The following HDX variants were observed in gnomAD, a reference collection of about 807,000 sequenced individuals.
HDX encodes chromosome X open reading frame 43.
In HDX, 19 loss-of-function variants were observed where a neutral mutation model predicts 45.2. The observed-to-expected ratio is 0.42, with a 90% CI of 0.29 to 0.62. The LOEUF (loss-of-function observed/expected upper bound fraction) is 0.62. HDX is among the 20% of genes least tolerant of loss of function. HDX has a pLI of 0.20. For synonymous variants in HDX, 188 were observed against 172.8 expected, an observed-to-expected ratio of 1.09 and a Z score of -0.69; for missense variants, 532 against 493.9, an observed-to-expected ratio of 1.08 and a Z score of -0.73.
chrX:84,406,364 A>T (rs977434722), intron 5 of HDX, among the ~76,000 whole-genome samples: 1 of 109,167 alleles, frequency 9.2e-6, no homozygotes, highest in African/African-American at 3.4e-5. Flanking sequence ...AAGTAATAGG[A>T]TAAAGTGTGC....
chrX:84,390,334 A>G (rs2038413984), intron 5 of HDX, among the ~76,000 whole-genome samples: 1 of 112,104 alleles, frequency 8.9e-6, no homozygotes, highest in Non-Finnish European at 1.9e-5. Context: ...ATTTATTTTT[A>G]CTAGTAAATT....
intron 6 of HDX, among the ~76,000 whole-genome samples, chrX:84,360,322 CT>C (rs1602309482): frequency 8.9e-6 from 1 of 111,922 alleles, no homozygotes; most frequent in Non-Finnish European, 1.9e-5. Context: ...CACTTTTACA[CT>C]GTAGGTGGGA....
chrX:84,502,240 A>G (rs2294341), intron 1 of HDX, 102 bp downstream of exon 1: 34,611 of 107,427 alleles, frequency 0.32, 4,238 homozygotes, highest in African/African-American at 0.41. Context: ...GAACCTATGG[A>G]CCCCCCCACC....
intron 9 of HDX, among the ~76,000 whole-genome samples, chrX:84,330,131 A>G (rs1198201303): frequency 9.0e-6 from 1 of 111,390 alleles, no homozygotes; most frequent in Non-Finnish European, 1.9e-5. Context: ...TCCACTTGGT[A>G]TTCATAAATC....
At chrX:84,347,926 G>GT (rs1281555701) in intron 6 of HDX, among the ~76,000 whole-genome samples, 1 of 110,801 alleles carries the variant, frequency 9.0e-6, no homozygotes, top group Non-Finnish European at 1.9e-5. Context: ...CCTAGGTGTA[G>GT]TTTTTTTTAT....
At chrX:84,441,733 G>GT (rs2039764992) in intron 4 of HDX, among the ~76,000 whole-genome samples, 1 of 111,324 alleles carries the variant, frequency 9.0e-6, no homozygotes, top group Non-Finnish European at 1.9e-5. Flanking sequence ...TATTATACAA[G>GT]TATTTTATAC....
intron 5 of HDX, among the ~76,000 whole-genome samples, chrX:84,372,723 G>A (rs1159758909): frequency 8.9e-6 from 1 of 111,966 alleles, no homozygotes; most frequent in Non-Finnish European, 1.9e-5. Flanking sequence ...GTTTATCATA[G>A]ATATGACTTA....
intron 5 of HDX, among the ~76,000 whole-genome samples, chrX:84,375,698 A>G (rs780506533): frequency 9.3e-6 from 1 of 107,238 alleles, no homozygotes; most frequent in African/African-American, 3.4e-5. Context: ...GAACAATGAT[A>G]TCACATGGAC....
intron 5 of HDX, among the ~76,000 whole-genome samples, chrX:84,407,790 T>C (rs2038868817): frequency 1.8e-5 from 2 of 111,754 alleles, no homozygotes; most frequent in African/African-American, 6.5e-5. Flanking sequence ...TCTCTAATGA[T>C]TAGAGATACT....
intron 1 of HDX, among the ~76,000 whole-genome samples, chrX:84,495,848 T>C (rs764284546): frequency 6.1e-4 from 68 of 111,585 alleles, no homozygotes; most frequent in Non-Finnish European, 1.1e-3. Flanking sequence ...GACATATTTA[T>C]TTTAACCCAA....
intron 5 of HDX, among the ~76,000 whole-genome samples, chrX:84,375,875 C>T (rs1351539288): frequency 9.1e-6 from 1 of 110,363 alleles, no homozygotes; most frequent in Non-Finnish European, 1.9e-5. Flanking sequence ...GCACATGTAC[C>T]CTAAAACTTA....
At chrX:84,380,313 C>T (rs2038158621) in intron 5 of HDX, among the ~76,000 whole-genome samples, 1 of 109,752 alleles carries the variant, frequency 9.1e-6, no homozygotes, top group Admixed American at 9.7e-5. Context: ...TAGTACCAAT[C>T]CTACTTAAAC....
At chrX:84,371,292 G>A (rs191466819) in intron 5 of HDX, among the ~76,000 whole-genome samples, 79 of 111,797 alleles carry the variant, frequency 7.1e-4, no homozygotes, top group African/African-American at 2.5e-3. Context: ...CACCTCAGAG[G>A]ATTGCTAAAA....
intron 5 of HDX, among the ~76,000 whole-genome samples, chrX:84,392,122 T>A (rs2038455735): frequency 8.9e-6 from 1 of 111,845 alleles, no homozygotes; most frequent in South Asian, 3.7e-4. Flanking sequence ...TCACTTTCAT[T>A]CTTTTGCATA....
At chrX:84,458,387 G>A (rs897315460) in intron 4 of HDX, among the ~76,000 whole-genome samples, 11 of 111,829 alleles carry the variant, frequency 9.8e-5, no homozygotes, top group Admixed American at 9.5e-4. Context: ...TTACTTAGGT[G>A]AAATGTACCT....
intron 5 of HDX, among the ~76,000 whole-genome samples, chrX:84,388,685 C>T (rs1334944596): frequency 2.7e-5 from 3 of 111,278 alleles, no homozygotes; most frequent in African/African-American, 9.8e-5. Flanking sequence ...CTATTTTATC[C>T]TTCAGCTCTT....
intron 5 of HDX, among the ~76,000 whole-genome samples, chrX:84,388,744 T>C (rs1192593183): frequency 8.9e-6 from 1 of 112,125 alleles, no homozygotes; most frequent in Non-Finnish European, 1.9e-5. Context: ...GTTTCAACTT[T>C]CTCCTGAATC....
At chrX:84,447,720 A>C (rs1316439396) in intron 4 of HDX, among the ~76,000 whole-genome samples, 4 of 111,579 alleles carry the variant, frequency 3.6e-5, no homozygotes, top group Non-Finnish European at 7.5e-5. Context: ...AATTGTCATC[A>C]TCCACATGAA....
At chrX:84,398,065 C>T (rs1223466456) in intron 5 of HDX, among the ~76,000 whole-genome samples, 4 of 108,569 alleles carry the variant, frequency 3.7e-5, no homozygotes, top group South Asian at 4.2e-4. Flanking sequence ...CAGTGTGGTG[C>T]GGTGGCCCAC....
Sources: allele counts gnomAD v4.1 joint callset (sites outside exome capture counted in the v4.1 genomes callset), GRCh38; gene constraint gnomAD v4.1.1; transcripts MANE v1.5; gene names NCBI Gene and HGNC (gene_info 2026-07-23, HGNC 2026-07-21).